The following CNTNAP4 variants were observed in gnomAD, a reference collection of about 807,000 sequenced individuals.
CNTNAP4 encodes the protein contactin associated protein family member 4.
A neutral mutation model predicts 148.4 loss-of-function variants in CNTNAP4; 98 were observed. That is an observed-to-expected ratio of 0.66 (90% CI 0.56 to 0.78). The LOEUF is 0.78. Among genes scored for constraint, CNTNAP4 ranks in the 30% least tolerant of loss-of-function variants. CNTNAP4 has a pLI of 0.00. For missense variants in CNTNAP4, 1,935 were observed against 1,565.6 expected (o/e 1.24, Z -3.98); for synonymous variants, 730 against 565.1 (o/e 1.29, Z -4.14).
chr16:76,326,927 T>C lies in CNTNAP4; in HGVS notation c.196+10404T>C, dbSNP rs186028004. The stretch of plus-strand genomic sequence containing the variant: ...AACAAACCTGCACGTTGTGCACATG[T>C]ACCCTAAAACTTAAAGTAAGAATAA... On this transcript the variant is annotated intron_variant, in intron 2 of 23. Transcript: ENST00000611870. Among the ~76,000 whole-genome samples the C allele has an allele frequency of 5.5e-4, 84 of 151,714 alleles. 1 individual carries two copies. Among genetic ancestry groups the C allele is most frequent in the Middle Eastern group, 6.8e-3 (2 of 292 alleles).
chr16:76,360,608 G>T (rs1030868366), intron 3 of CNTNAP4, among the ~76,000 whole-genome samples: 1 of 152,200 alleles, frequency 6.6e-6, no homozygotes, highest in African/African-American at 2.4e-5. Flanking sequence ...ATGCACTGCA[G>T]TACTTGCTTA....
intron 18 of CNTNAP4, among the ~76,000 whole-genome samples, chr16:76,536,413 C>T (rs1456383328): frequency 1.3e-5 from 2 of 152,220 alleles, no homozygotes; most frequent in East Asian, 3.9e-4. Context: ...CCAGGCTGGT[C>T]TCAAGTTCCC....
At chr16:76,373,132 G>GAATATATTCCACATAAATAGGTA (rs2015028323) in intron 3 of CNTNAP4, among the ~76,000 whole-genome samples, 7 of 150,438 alleles carry the variant, frequency 4.7e-5, no homozygotes, top group African/African-American at 7.4e-5. Context: ...ATAAATAGGT[G>GAATATATTCCACATAAATAGGTA]AATATATTCC....
At chr16:76,389,404 T>G (rs1280101808) in intron 3 of CNTNAP4, among the ~76,000 whole-genome samples, 1 of 152,198 alleles carries the variant, frequency 6.6e-6, no homozygotes, top group African/African-American at 2.4e-5. Context: ...TGGCTCTTCT[T>G]CCACTCAGCG....
intron 1 of CNTNAP4, chr16:76,316,201 A>G: frequency 2.0e-5 from 12 of 590,118 alleles, no homozygotes; most frequent in Middle Eastern, 4.4e-4. Flanking sequence ...ATGATTTTTA[A>G]AGTATTTTCA....
At chr16:76,287,231 T>C (rs568175862) in intron 1 of CNTNAP4, among the ~76,000 whole-genome samples, 3 of 152,282 alleles carry the variant, frequency 2.0e-5, no homozygotes, top group South Asian at 4.1e-4. Flanking sequence ...GCATCCTTTA[T>C]CACAAAATGA....
chr16:76,443,991 CAT>C (rs1181878961), intron 4 of CNTNAP4, among the ~76,000 whole-genome samples: 2 of 152,070 alleles, frequency 1.3e-5, no homozygotes, highest in Non-Finnish European at 2.9e-5. Flanking sequence ...AACATAAAAA[CAT>C]AACTTCCATT....
In CNTNAP4 at chr16:76,519,739, A is replaced by G. The variant is rs1473693274; in HGVS notation, c.2366-1401A>G. Among the ~76,000 whole-genome samples the G allele has an allele frequency of 3.3e-5, 5 of 152,256 alleles. No individual in the cohort carries two copies. In the South Asian group the frequency reaches 1.0e-3, roughly 32 times the overall value. The stretch of plus-strand genomic sequence containing the variant: ...GGAATAGGCTTGATGTGACTCTGAT[A>G]ATATATGGTTTCATTTGACTCTGGG... On this transcript the variant is annotated intron_variant, in intron 15 of 23. Coordinates refer to ENST00000611870, the MANE Select transcript of CNTNAP4 (RefSeq NM_033401.5).
intron 12 of CNTNAP4, 135 bp from the exon 13 acceptor site, chr16:76,489,551 T>G: frequency 2.2e-6 from 1 of 452,544 alleles, no homozygotes; most frequent in Non-Finnish European, 3.8e-6. Flanking sequence ...TTGTGTTGAT[T>G]CTACCTCTCA....
At chr16:76,409,436 A>T (rs1482483617) in intron 3 of CNTNAP4, among the ~76,000 whole-genome samples, 1 of 151,966 alleles carries the variant, frequency 6.6e-6, no homozygotes, top group Non-Finnish European at 1.5e-5. Context: ...ATGCACCTTT[A>T]AAATAATTTG....
chr16:76,407,565 G>A (rs2078638533), intron 3 of CNTNAP4, among the ~76,000 whole-genome samples: 2 of 152,050 alleles, frequency 1.3e-5, no homozygotes, highest in Admixed American at 1.3e-4. Context: ...GGAAGGAACT[G>A]CGGATGTGGT....
chr16:76,471,887 A>G (rs1321482648), intron 10 of CNTNAP4, among the ~76,000 whole-genome samples: 1 of 152,228 alleles, frequency 6.6e-6, no homozygotes, highest in African/African-American at 2.4e-5. Flanking sequence ...GCTCATTGGC[A>G]CTTAAGTTTA....
chr16:76,326,039 C>T (rs1962937476), intron 2 of CNTNAP4, among the ~76,000 whole-genome samples: 1 of 152,012 alleles, frequency 6.6e-6, no homozygotes, highest in Non-Finnish European at 1.5e-5. Context: ...TTCTTGCAAA[C>T]ATATTTAAGG....
chr16:76,460,763 A>ATAAAT (rs1156882099), intron 8 of CNTNAP4, among the ~76,000 whole-genome samples: 1 of 42,704 alleles, frequency 2.3e-5, no homozygotes, highest in Admixed American at 2.5e-4. Flanking sequence ...CAAAAAAAAA[A>ATAAAT]AAAAAAAAAA....
intron 4 of CNTNAP4, among the ~76,000 whole-genome samples, chr16:76,443,436 T>C (rs1011827044): frequency 1.3e-5 from 2 of 152,218 alleles, no homozygotes; most frequent in South Asian, 2.1e-4. Context: ...ATACAAAAAA[T>C]TAGCTGGACA....
intron 3 of CNTNAP4, among the ~76,000 whole-genome samples, chr16:76,377,227 G>GT (rs1296123792): frequency 5.9e-5 from 9 of 152,072 alleles, no homozygotes; most frequent in African/African-American, 2.2e-4. Flanking sequence ...GCTTTACTTA[G>GT]TGTCTATGGA....
At chr16:76,343,573 A>C (rs1018331169) in intron 2 of CNTNAP4, among the ~76,000 whole-genome samples, 1 of 152,214 alleles carries the variant, frequency 6.6e-6, no homozygotes, top group Non-Finnish European at 1.5e-5. Context: ...AGATACAACA[A>C]CAAGGATAAT....
At chr16:76,379,338 C>G (rs1441155405) in intron 3 of CNTNAP4, among the ~76,000 whole-genome samples, 1 of 152,284 alleles carries the variant, frequency 6.6e-6, no homozygotes, top group South Asian at 2.1e-4. Context: ...TCCCTACAAT[C>G]TGGAGGTTAG....
intron 17 of CNTNAP4, among the ~76,000 whole-genome samples, chr16:76,533,602 ATG>A (rs1351834469): frequency 6.6e-6 from 1 of 152,160 alleles, no homozygotes; most frequent in Non-Finnish European, 1.5e-5. Flanking sequence ...AACAATTATT[ATG>A]TGTCTATTAA....
Sources: allele counts gnomAD v4.1 joint callset (sites outside exome capture counted in the v4.1 genomes callset), GRCh38; gene constraint gnomAD v4.1.1; transcripts MANE v1.5; gene names NCBI Gene and HGNC (gene_info 2026-07-23, HGNC 2026-07-21).